Variants in TTC39C observed in about 807,000 individuals in gnomAD.
TTC39C encodes tetratricopeptide repeat protein 39C.
TTC39C carries 33 observed loss-of-function variants against 76.3 expected under a neutral mutation model. The observed-to-expected ratio is 0.43, with a 90% confidence interval of 0.33 to 0.58. TTC39C has a LOEUF of 0.58. TTC39C is among the 20% of genes least tolerant of loss of function. The pLI is 0.04. For synonymous variants in TTC39C, 254 were observed against 260.6 expected (o/e 0.97, Z 0.24); for missense variants, 595 against 701.4 (o/e 0.85, Z 1.71).
chr18:24,054,401 A>G (rs2083990349), intron 1 of TTC39C, among the ~76,000 whole-genome samples: 3 of 152,224 alleles, frequency 2.0e-5, no homozygotes, highest in Admixed American at 2.0e-4. Context: ...AACTTAAATG[A>G]TGCATTTTTC....
At chr18:24,027,734 TTTTTTTA>T (rs1443720014) in intron 1 of TTC39C, among the ~76,000 whole-genome samples, 1 of 151,988 alleles carries the variant, frequency 6.6e-6, no homozygotes, top group Non-Finnish European at 1.5e-5. Flanking sequence ...TAATTTTTTA[TTTTTTTA>T]TTTTTTAGTA....
chr18:24,045,919 ATATATATATTTT>A (rs2083871941), intron 1 of TTC39C, among the ~76,000 whole-genome samples: 1 of 26,790 alleles, frequency 3.7e-5, no homozygotes, highest in African/African-American at 1.7e-4. Flanking sequence ...ATATATATAT[ATATATATATTTT>A]TTTTTTTTTT....
intron 3 of TTC39C, among the ~76,000 whole-genome samples, 163 bp downstream of exon 3, chr18:24,066,303 A>T (rs559310528): frequency 9.8e-5 from 15 of 152,332 alleles, no homozygotes; most frequent in Non-Finnish European, 1.9e-4. Flanking sequence ...GTTATCTCTT[A>T]TAAAAACAGA....
intron 6 of TTC39C, among the ~76,000 whole-genome samples, chr18:24,110,257 C>T (rs1021404146): frequency 1.3e-5 from 2 of 152,170 alleles, no homozygotes; most frequent in Non-Finnish European, 2.9e-5. Context: ...GTAAGCTATA[C>T]ATGGGAAGGA....
rs144630715 is a variant in TTC39C at position 24,131,939 on chromosome 18, C to T, written c.1662+19C>T. 8.7e-6 allele frequency: 14 copies of T among 1,612,040 alleles called. No homozygotes were observed. The African/African-American group carries it at 1.9e-4, about 22-fold the overall frequency. On this transcript the variant is annotated intron_variant, in intron 13 of 13. Transcript: ENST00000317571. Reference sequence around the variant, plus strand: ...AGCAAAGGTAAATATCCTGAATCTACCTTTCTCCAGTGGCCCTTCTTATCC... The same window carrying T: ...AGCAAAGGTAAATATCCTGAATCTATCTTTCTCCAGTGGCCCTTCTTATCC...
At chr18:24,023,970 A>C (rs56162083) in intron 1 of TTC39C, among the ~76,000 whole-genome samples, 1,517 of 13,928 alleles carry the variant, frequency 0.11, 74 homozygotes, top group East Asian at 0.29. Context: ...ATATATATAT[A>C]TATATATATA....
At chr18:24,005,856 A>C (rs1385382701) in intron 1 of TTC39C, among the ~76,000 whole-genome samples, 1 of 151,794 alleles carries the variant, frequency 6.6e-6, no homozygotes, top group Non-Finnish European at 1.5e-5. Flanking sequence ...AAAAAAAAAA[A>C]ACAAAAAACC....
chr18:24,056,089 C>T (rs1339470568), intron 1 of TTC39C, among the ~76,000 whole-genome samples: 1 of 152,156 alleles, frequency 6.6e-6, no homozygotes, highest in Non-Finnish European at 1.5e-5. Flanking sequence ...CAGTGTTGTC[C>T]TTTTTGCTAA....
At chr18:24,054,890 C>T (rs2083996912) in intron 1 of TTC39C, among the ~76,000 whole-genome samples, 1 of 152,134 alleles carries the variant, frequency 6.6e-6, no homozygotes, top group African/African-American at 2.4e-5. Context: ...TAAAGAATGG[C>T]TCCCCATTCC....
upstream of TTC39C, among the ~76,000 whole-genome samples, chr18:24,011,306 A>G (rs560616877): frequency 1.6e-4 from 24 of 152,296 alleles, no homozygotes; most frequent in South Asian, 3.5e-3. Context: ...GCACCTGACT[A>G]CAATCTTGCC....
At chr18:24,116,916 C>T (rs530227266) in intron 7 of TTC39C, among the ~76,000 whole-genome samples, 1 of 150,008 alleles carries the variant, frequency 6.7e-6, no homozygotes, top group Middle Eastern at 3.2e-3. Flanking sequence ...GCCCAGACCT[C>T]CCCGGCTCAG....
At chr18:24,040,867 G>A (rs2083784247) in intron 1 of TTC39C, among the ~76,000 whole-genome samples, 2 of 152,164 alleles carry the variant, frequency 1.3e-5, no homozygotes, top group South Asian at 4.2e-4. Context: ...AGTGTGAAGT[G>A]GTGGTACTGT....
intron 1 of TTC39C, among the ~76,000 whole-genome samples, chr18:24,047,826 C>T (rs1054631089): frequency 9.2e-5 from 14 of 152,310 alleles, no homozygotes; most frequent in African/African-American, 3.1e-4. Context: ...GTATTGAAGA[C>T]AGTTCCGTAG....
At chr18:24,053,771 G>A (rs1169633006) in intron 1 of TTC39C, among the ~76,000 whole-genome samples, 1 of 152,132 alleles carries the variant, frequency 6.6e-6, no homozygotes, top group Admixed American at 6.5e-5. Flanking sequence ...GTGAAATTGG[G>A]ACATTTCAAG....
At chr18:24,037,602 T>C (rs1258618292) in intron 1 of TTC39C, among the ~76,000 whole-genome samples, 1 of 152,224 alleles carries the variant, frequency 6.6e-6, no homozygotes, top group Non-Finnish European at 1.5e-5. Flanking sequence ...TGGGTGAGAC[T>C]CCAAATTGAT....
At position 24,101,992 on chromosome 18, in the gene TTC39C, A is replaced by T. The variant is rs570643637; in HGVS notation, c.985-12562A>T. Among the ~76,000 whole-genome samples the T allele has an allele frequency of 2.0e-5, 3 of 152,342 alleles. No individual in the cohort carries two copies. In the South Asian group the frequency reaches 6.2e-4, roughly 32 times the overall value. ...AGGCTCATCTCAAAATGGGGTCTTC[A>T]ACTTACTGGCCCAGCCCAGCTTTCT... On this transcript the variant is annotated intron_variant, in intron 6 of 13. Coordinates refer to ENST00000317571, the MANE Select transcript of TTC39C (RefSeq NM_001135993.2).
chr18:23,997,710 GAAAGAA>G (rs2083279424), intron 1 of TTC39C, among the ~76,000 whole-genome samples: 1 of 151,284 alleles, frequency 6.6e-6, no homozygotes, highest in South Asian at 2.1e-4. Flanking sequence ...AAGAAAGAAA[GAAAGAA>G]AGAAAGAAAC....
In TTC39C at chr18:24,015,110, C is replaced by A. The variant is rs2083436831; in HGVS notation, c.167+72C>A. ...TGTCCGGCTCACGCGCCTCGACCTG[C>A]GGCCCCCGGGAGCCCCCTCCCCCTC... On this transcript the variant is annotated intron_variant, in intron 1 of 13. Coordinates refer to ENST00000317571, the MANE Select transcript of TTC39C (RefSeq NM_001135993.2). The A allele has an allele frequency of 8.3e-6, 11 of 1,325,640 alleles. No homozygotes were observed. The South Asian group carries it at 1.3e-4, about 16-fold the overall frequency. 82.1% of individuals were successfully genotyped at this position (1,325,640 alleles called of 1,614,324 possible).
intron 6 of TTC39C, among the ~76,000 whole-genome samples, chr18:24,088,898 C>T (rs1293997114): frequency 6.6e-6 from 1 of 152,230 alleles, no homozygotes; most frequent in African/African-American, 2.4e-5. Flanking sequence ...GTCTCTGGAC[C>T]TTACTTCCAT....
Sources: gnomAD v4.1 joint callset for allele counts (sites outside exome capture counted in the v4.1 genomes callset) on GRCh38, gnomAD v4.1.1 for gene constraint, MANE v1.5 for transcripts, NCBI Gene and HGNC (gene_info 2026-07-23, HGNC 2026-07-21) for gene names.